The following SUMF1 variants were observed in gnomAD, a reference collection of about 807,000 sequenced individuals.
The protein encoded by SUMF1 is sulfatase modifying factor 1, also known as formylglycine-generating enzyme.
In SUMF1, 48 loss-of-function variants were observed where a neutral mutation model predicts 47.6. That is an observed-to-expected ratio of 1.01 (90% CI 0.80 to 1.28). SUMF1 has a LOEUF of 1.28. Ranked by LOEUF, SUMF1 falls within the 50% of genes most tolerant of loss-of-function variation. The pLI, the probability that SUMF1 is intolerant of heterozygous loss-of-function variation, is 0.00. For synonymous variants in SUMF1, 230 were observed against 192.1 expected (o/e 1.20, Z -1.63); for missense variants, 571 against 485.4 (o/e 1.18, Z -1.66).
chr3:4,435,242 G>T (rs1411845101), intron 3 of SUMF1, among the ~76,000 whole-genome samples: 1 of 152,122 alleles, frequency 6.6e-6, no homozygotes, highest in Non-Finnish European at 1.5e-5. Flanking sequence ...CTTTAAAGGA[G>T]CTATTACAAT....
chr3:4,278,366 C>T (rs2125043435), intron 8 of SUMF1, among the ~76,000 whole-genome samples: 1 of 152,130 alleles, frequency 6.6e-6, no homozygotes, highest in South Asian at 2.1e-4. Context: ...GCATTAATCT[C>T]AAACCTATTA....
At chr3:4,154,216 G>A (rs1429855795) in intron 8 of SUMF1, among the ~76,000 whole-genome samples, 1 of 151,466 alleles carries the variant, frequency 6.6e-6, no homozygotes, top group African/African-American at 2.5e-5. Flanking sequence ...TGGCAGCATG[G>A]AGAAAGGCAT....
chr3:4,433,306 G>A (rs967977144), intron 3 of SUMF1, among the ~76,000 whole-genome samples: 3 of 152,104 alleles, frequency 2.0e-5, no homozygotes, highest in African/African-American at 7.2e-5. Flanking sequence ...GCACCTCTGG[G>A]ACCCCAGCAT....
intron 8 of SUMF1, among the ~76,000 whole-genome samples, chr3:4,138,579 C>A (rs1395277570): frequency 6.6e-6 from 1 of 152,088 alleles, no homozygotes; most frequent in African/African-American, 2.4e-5. Context: ...GCTCAGTGAG[C>A]TTCCCTAGTT....
At chr3:4,103,919 A>G (rs1028925598) in intron 8 of SUMF1, among the ~76,000 whole-genome samples, 11 of 152,142 alleles carry the variant, frequency 7.2e-5, no homozygotes, top group African/African-American at 2.2e-4. Context: ...TTTCATTTTG[A>G]TGATAACACA....
intron 8 of SUMF1, among the ~76,000 whole-genome samples, chr3:4,203,757 T>C (rs1695590663): frequency 1.3e-5 from 2 of 151,954 alleles, no homozygotes; most frequent in African/African-American, 2.4e-5. Context: ...ATATCTGTTG[T>C]AGGTTTTTTT....
chr3:4,326,636 G>A (rs1030912897), intron 8 of SUMF1, among the ~76,000 whole-genome samples: 3 of 150,458 alleles, frequency 2.0e-5, no homozygotes, highest in African/African-American at 7.4e-5. Context: ...TCATGCCTCA[G>A]CTTCCTGAGT....
intron 8 of SUMF1, among the ~76,000 whole-genome samples, chr3:4,209,291 A>G (rs1695727779): frequency 6.6e-6 from 1 of 152,190 alleles, no homozygotes; most frequent in Admixed American, 6.5e-5. Context: ...CAACCATGCC[A>G]TAATACAAGG....
At chr3:4,145,158 A>C (rs1694163242) in intron 8 of SUMF1, among the ~76,000 whole-genome samples, 1 of 142,654 alleles carries the variant, frequency 7.0e-6, no homozygotes, top group South Asian at 2.2e-4. Context: ...GCGCCACTGC[A>C]CTCTAGCCTG....
chr3:4,217,517 TA>T (rs1695955205), intron 8 of SUMF1, among the ~76,000 whole-genome samples: 1 of 72,602 alleles, frequency 1.4e-5, no homozygotes, highest in African/African-American at 8.6e-5. Flanking sequence ...GTATTTTTTA[TA>T]TATATATATA....
chr3:4,177,914 T>A (rs1422082797), intron 8 of SUMF1, among the ~76,000 whole-genome samples: 3 of 152,068 alleles, frequency 2.0e-5, no homozygotes, highest in Non-Finnish European at 4.4e-5. Flanking sequence ...TATAAACACC[T>A]CTACGCAAAT....
At chr3:4,096,780 T>C (rs1246461089) in intron 8 of SUMF1, among the ~76,000 whole-genome samples, 2 of 151,968 alleles carry the variant, frequency 1.3e-5, no homozygotes, top group Non-Finnish European at 2.9e-5. Context: ...GCAGGTAACA[T>C]AGTGAGGGTA....
intron 8 of SUMF1, among the ~76,000 whole-genome samples, chr3:4,321,747 G>A (rs750622938): frequency 9.9e-5 from 15 of 152,090 alleles, no homozygotes; most frequent in Non-Finnish European, 1.5e-4. Context: ...TTCTGCCCAC[G>A]AAAAGGGGGA....
At chr3:4,405,708 C>T (rs1440460401) in intron 7 of SUMF1, among the ~76,000 whole-genome samples, 1 of 152,174 alleles carries the variant, frequency 6.6e-6, no homozygotes, top group Non-Finnish European at 1.5e-5. Flanking sequence ...CAATTCCATA[C>T]ATCAAACAAC....
intron 8 of SUMF1, among the ~76,000 whole-genome samples, chr3:4,255,749 T>A (rs1484332900): frequency 7.8e-6 from 1 of 128,972 alleles, no homozygotes; most frequent in Non-Finnish European, 1.6e-5. Flanking sequence ...TGAACTCAGC[T>A]CTGCACCAAG....
chr3:4,371,793 A>C (rs925776428), intron 8 of SUMF1, among the ~76,000 whole-genome samples: 5 of 152,192 alleles, frequency 3.3e-5, no homozygotes, highest in Admixed American at 6.5e-5. Context: ...TGTATACATG[A>C]GGAAAAATTG....
chr3:4,283,573 A>G (rs1486210700), intron 8 of SUMF1, among the ~76,000 whole-genome samples: 1 of 152,228 alleles, frequency 6.6e-6, no homozygotes, highest in African/African-American at 2.4e-5. Context: ...GGATCAGTGC[A>G]TGCCTTATTT....
chr3:4,226,260 G>GTTTTTTTTT (rs1559587286), intron 8 of SUMF1, among the ~76,000 whole-genome samples: 3 of 110,712 alleles, frequency 2.7e-5, no homozygotes, highest in Non-Finnish European at 3.8e-5. Context: ...TTTTTTTTTT[G>GTTTTTTTTT]TTTCTTTTTT....
chr3:4,132,935 G>T (rs602804), intron 8 of SUMF1, among the ~76,000 whole-genome samples: 117,829 of 151,958 alleles, frequency 0.78, 46,142 homozygotes, highest in Admixed American at 0.83. Flanking sequence ...CAGGATGGAC[G>T]ACAAATGGCC....
Sources: gnomAD v4.1 joint callset for allele counts (sites outside exome capture counted in the v4.1 genomes callset) on GRCh38, gnomAD v4.1.1 for gene constraint, MANE v1.5 for transcripts, NCBI Gene and HGNC (gene_info 2026-07-23, HGNC 2026-07-21) for gene names.